The following VPS50 variants were observed in gnomAD, a reference collection of about 807,000 sequenced individuals.
VPS50 encodes syndetin.
In VPS50, 70 loss-of-function variants were observed where a neutral mutation model predicts 139.7. The observed-to-expected ratio is 0.50, with a 90% CI of 0.41 to 0.61. The LOEUF (loss-of-function observed/expected upper bound fraction) is 0.61. Ranked by LOEUF, VPS50 falls within the 20% of genes least tolerant of loss-of-function variation. The probability of loss-of-function intolerance (pLI) is 0.00; values close to 1 mark genes in which losing one functional copy is unlikely to be tolerated. For missense variants in VPS50, 921 were observed against 1,133.7 expected (o/e 0.81, Z 2.69); for synonymous variants, 365 against 376.7 (o/e 0.97, Z 0.36).
intron 16 of VPS50, among the ~76,000 whole-genome samples, chr7:93,298,803 CTT>C (rs1796887816): frequency 6.6e-6 from 1 of 152,168 alleles, no homozygotes; most frequent in Non-Finnish European, 1.5e-5. Context: ...ATTTGTGAAA[CTT>C]ATTTCTCATT....
In VPS50 at chr7:93,348,821, T is replaced by G. The variant is rs767468529; in HGVS notation, c.2304+14T>G. On this transcript the variant is annotated intron_variant, in intron 24 of 27. Coordinates refer to ENST00000305866, the MANE Select transcript of VPS50 (RefSeq NM_017667.4). ...TTCTATTCTCAGGTCAGACATGGTC[T>G]TGTATGTCATTTCAACTGTGAGGAA... 2.1e-5 allele frequency: 32 copies of G among 1,513,966 alleles called. No individual in the cohort carries two copies. The South Asian group carries it at 3.4e-4, about 16-fold the overall frequency. 93.8% of individuals were successfully genotyped at this position (1,513,966 alleles called of 1,614,324 possible).
intron 13 of VPS50, among the ~76,000 whole-genome samples, chr7:93,293,507 C>T (rs1796709988): frequency 6.6e-6 from 1 of 152,050 alleles, no homozygotes; most frequent in African/African-American, 2.4e-5. Flanking sequence ...AAGCTGTCAG[C>T]TGATAGTATC....
chr7:93,294,501 A>G, intron 13 of VPS50, 44 bp from the exon 14 acceptor site: 1 of 1,455,856 alleles, frequency 6.9e-7, no homozygotes, highest in East Asian at 2.4e-5. Flanking sequence ...AAACAAACAC[A>G]AATTGGATTA....
At chr7:93,239,840 T>A in intron 1 of VPS50, 26 bp from the exon 2 acceptor site, 1 of 1,393,806 alleles carries the variant, frequency 7.2e-7, no homozygotes, top group Non-Finnish European at 1.0e-6. Context: ...TGATTAAAAT[T>A]TTCCTCATCT....
At position 93,291,696 on chromosome 7, in the gene VPS50, T is replaced by G; in HGVS notation, c.943-7T>G. On this transcript the variant is annotated splice_region_variant and splice_polypyrimidine_tract_variant and intron_variant, in intron 12 of 27. Transcript: ENST00000305866. ...ATTTGAAAGTTGTCTCTTATCATTT[T>G]CTTTAGCATGTTACACCAGACAGCT... 6.8e-7 allele frequency: 1 copy of G among 1,472,788 alleles called. No homozygotes were observed. The highest frequency in any genetic ancestry group is 2.4e-5 in the East Asian group (1 of 42,248). The allele number at this position is 1,472,788 out of a possible 1,614,324, so 91.2% of individuals were successfully genotyped here.
At chr7:93,343,209 G>A (rs1318145975) in intron 23 of VPS50, among the ~76,000 whole-genome samples, 4 of 152,128 alleles carry the variant, frequency 2.6e-5, no homozygotes, top group African/African-American at 4.8e-5. Context: ...GAGCCGATGC[G>A]ATCAACTGGA....
chr7:93,237,202 C>T (rs1486549158), intron 1 of VPS50, among the ~76,000 whole-genome samples: 1 of 150,972 alleles, frequency 6.6e-6, no homozygotes, highest in South Asian at 2.1e-4. Context: ...GTGATCCGCC[C>T]GCCTCGGCCT....
In VPS50 at chr7:93,356,040, TA is replaced by T; in HGVS notation, c.2737del (p.Thr913LeufsTer20). ...GAAACTTATATTAAAGCTTATTACCTAACTGAGAATGACATGGAACGGTGGA... is the reference window on the plus strand; with the variant it reads ...GAAACTTATATTAAAGCTTATTACCTACTGAGAATGACATGGAACGGTGGA... ...FVETYIKAYY[L>X]TENDMERWIK... On this transcript the variant is annotated frameshift_variant, in exon 27 of 28. Coordinates refer to ENST00000305866, the MANE Select transcript of VPS50 (RefSeq NM_017667.4). LOFTEE classifies it high-confidence loss of function. The T allele has an allele frequency of 6.5e-7, 1 of 1,547,144 alleles. No individual in the cohort carries two copies. The highest frequency in any genetic ancestry group is 8.8e-7 in the Non-Finnish European group (1 of 1,133,014).
chr7:93,317,805 T>C (rs1445648989), intron 20 of VPS50, among the ~76,000 whole-genome samples: 1 of 152,212 alleles, frequency 6.6e-6, no homozygotes, highest in Admixed American at 6.5e-5. Flanking sequence ...AAATAGTAGC[T>C]TCTTTTGTTT....
At chr7:93,332,418 A>G (rs1419471080) in intron 21 of VPS50, among the ~76,000 whole-genome samples, 1 of 152,222 alleles carries the variant, frequency 6.6e-6, no homozygotes, top group African/African-American at 2.4e-5. Context: ...TCCAAATGCT[A>G]TCACATTAAG....
intron 15 of VPS50, 54 bp from the exon 16 acceptor site, chr7:93,297,091 T>C: frequency 6.5e-7 from 1 of 1,527,052 alleles, no homozygotes; most frequent in Non-Finnish European, 8.7e-7. Flanking sequence ...ACCACACTTC[T>C]TTTTCTCTAT....
At chr7:93,295,262 G>C (rs879891178) in intron 14 of VPS50, among the ~76,000 whole-genome samples, 1 of 152,132 alleles carries the variant, frequency 6.6e-6, no homozygotes, top group African/African-American at 2.4e-5. Context: ...GGGAGGGCCT[G>C]CTTCCTGGTT....
intron 12 of VPS50, among the ~76,000 whole-genome samples, chr7:93,287,283 G>A (rs1474637143): frequency 6.6e-6 from 1 of 151,962 alleles, no homozygotes; most frequent in African/African-American, 2.4e-5. Context: ...TCAGTGAGAA[G>A]AAAGCCTTGC....
At chr7:93,259,478 A>C in intron 8 of VPS50, 72 bp from the exon 9 acceptor site, 3 of 769,596 alleles carry the variant, frequency 3.9e-6, no homozygotes, top group Non-Finnish European at 6.7e-6. Flanking sequence ...ATATGAACAG[A>C]GATTTTTTTT....
chr7:93,271,106 G>A (rs1166100260), intron 9 of VPS50, 114 bp from the exon 10 acceptor site: 11 of 1,420,174 alleles, frequency 7.7e-6, no homozygotes, highest in South Asian at 3.0e-5. Context: ...CATGTCTTAC[G>A]ATCTATACTC....
chr7:93,356,287 T>G, intron 27 of VPS50: 1 of 295,366 alleles, frequency 3.4e-6, no homozygotes, highest in Admixed American at 4.9e-5. Flanking sequence ...CAAATCTTTT[T>G]CAGCCCTTTG....
intron 23 of VPS50, among the ~76,000 whole-genome samples, chr7:93,344,051 C>G (rs1455519385): frequency 6.6e-6 from 1 of 152,112 alleles, no homozygotes; most frequent in African/African-American, 2.4e-5. Context: ...GATAAAGAGT[C>G]AAGACCCATC....
At chr7:93,280,750 A>G (rs1796301595) in intron 12 of VPS50, among the ~76,000 whole-genome samples, 1 of 152,118 alleles carries the variant, frequency 6.6e-6, no homozygotes, top group Admixed American at 6.5e-5. Flanking sequence ...TTTTAGGACA[A>G]TGGAGTTGGC....
At chr7:93,324,574 A>G (rs11978974) in intron 21 of VPS50, among the ~76,000 whole-genome samples, 13,932 of 152,168 alleles carry the variant, frequency 0.092, 1,696 homozygotes, top group African/African-American at 0.28. Context: ...TTCTGTTTAT[A>G]TGCTGGATTA....
Sources: gnomAD v4.1 joint callset for allele counts (sites outside exome capture counted in the v4.1 genomes callset) on GRCh38, gnomAD v4.1.1 for gene constraint, MANE v1.5 for transcripts, NCBI Gene and HGNC (gene_info 2026-07-23, HGNC 2026-07-21) for gene names.